Variants in PHKA1 observed in about 807,000 individuals in gnomAD.
PHKA1 encodes phosphorylase kinase regulatory subunit alpha 1, also known as phosphorylase b kinase regulatory subunit alpha, skeletal muscle isoform.
PHKA1 carries 60 observed loss-of-function variants against 110.2 expected under a neutral mutation model. That is an observed-to-expected ratio of 0.54 (90% CI 0.44 to 0.68). The LOEUF (loss-of-function observed/expected upper bound fraction) is 0.68, where lower values mean the gene tolerates loss of function less well. PHKA1 is among the 30% of genes least tolerant of loss of function. The pLI is 0.00. For synonymous variants in PHKA1, 316 were observed against 333.6 expected (o/e 0.95, Z 0.58); for missense variants, 801 against 942.5 (o/e 0.85, Z 1.97).
At position 72,713,888 on chromosome X, in the gene PHKA1, C is replaced by A; in HGVS notation, c.-8G>T. ...GTTACTCCGGCTCCTCATGGCGACA[C>A]GTTACTAATTGTCCTCTGAGAAATA... is the stretch of plus-strand genomic sequence containing the variant. On this transcript the variant is annotated 5_prime_UTR_variant, in exon 1 of 32. Transcript: ENST00000373542. The A allele has an allele frequency of 8.4e-7, 1 of 1,184,769 alleles. No individual in the cohort carries two copies. The highest frequency in any genetic ancestry group is 1.8e-5 in the South Asian group (1 of 56,136).
chrX:72,600,713 T>C (rs2052647379), intron 28 of PHKA1, among the ~76,000 whole-genome samples: 1 of 111,109 alleles, frequency 9.0e-6, no homozygotes, highest in South Asian at 3.8e-4. Flanking sequence ...AAAAACCAAA[T>C]AGCAAGGTGG....
At chrX:72,619,946 G>A (rs936318894) in intron 19 of PHKA1, among the ~76,000 whole-genome samples, 18 of 111,971 alleles carry the variant, frequency 1.6e-4, no homozygotes, top group Non-Finnish European at 1.5e-4. Flanking sequence ...GTTCACAATT[G>A]AGAAGTATAA....
intron 6 of PHKA1, 90 bp from the exon 7 acceptor site, chrX:72,667,563 T>C (rs1736226364): frequency 4.8e-6 from 3 of 626,974 alleles, no homozygotes; most frequent in South Asian, 2.4e-5. Flanking sequence ...TCAACACACA[T>C]GATGTCACTT....
chrX:72,630,832 T>C (rs782448952), intron 16 of PHKA1, among the ~76,000 whole-genome samples: 1 of 110,964 alleles, frequency 9.0e-6, no homozygotes, highest in Non-Finnish European at 1.9e-5. Context: ...AATTTTTCAG[T>C]CATTATTAGT....
intron 14 of PHKA1, among the ~76,000 whole-genome samples, chrX:72,640,362 A>G (rs1275155887): frequency 9.0e-6 from 1 of 111,621 alleles, no homozygotes; most frequent in African/African-American, 3.2e-5. Flanking sequence ...AAAAGAATAT[A>G]AGGAGACGAT....
chrX:72,650,495 T>G (rs200231385), intron 12 of PHKA1, 27 bp from the exon 13 acceptor site: 1 of 1,110,818 alleles, frequency 9.0e-7, no homozygotes, highest in East Asian at 3.0e-5. Context: ...AAAAGACAGA[T>G]TATTAAGTCT....
Position 72,705,881 on chromosome X carries a change from A to G in PHKA1, c.238-636T>C, listed in dbSNP as rs138880980. 2.4e-4 allele frequency among the ~76,000 whole-genome samples: 27 copies of G among 111,783 alleles called. No individual in the cohort carries two copies. In the East Asian group the frequency reaches 7.3e-3, roughly 30 times the overall value. ...CATCTCAAAATTCTGATCACCAACT[A>G]TATACTACATGACACTAAAGGGCCC... is the stretch of plus-strand genomic sequence containing the variant. On this transcript the variant is annotated intron_variant, in intron 2 of 31. Coordinates refer to ENST00000373542, the MANE Select transcript of PHKA1 (RefSeq NM_002637.4).
At chrX:72,646,210 A>T (rs782144030) in intron 13 of PHKA1, among the ~76,000 whole-genome samples, 1 of 111,868 alleles carries the variant, frequency 8.9e-6, no homozygotes, top group East Asian at 2.8e-4. Context: ...TCTTTGGGCC[A>T]TGCTTTCCAA....
At chrX:72,711,013 T>C (rs1363941495) in intron 2 of PHKA1, among the ~76,000 whole-genome samples, 10 of 105,884 alleles carry the variant, frequency 9.4e-5, no homozygotes, top group South Asian at 4.3e-4. Context: ...AGGCGCCCGC[T>C]ACCACGCCCG....
intron 5 of PHKA1, among the ~76,000 whole-genome samples, chrX:72,679,193 G>A (rs1258099478): frequency 9.0e-6 from 1 of 111,560 alleles, no homozygotes; most frequent in Non-Finnish European, 1.9e-5. Context: ...CATAATTCAG[G>A]GGGCATGGGG....
chrX:72,705,358 G>C, intron 2 of PHKA1, 113 bp from the exon 3 acceptor site: 1 of 527,752 alleles, frequency 1.9e-6, no homozygotes, highest in Admixed American at 2.5e-5. Context: ...CCTATCCTGT[G>C]TTCCTATTTA....
At position 72,637,499 on chromosome X, in the gene PHKA1, G is replaced by A. The variant is rs782242242; in HGVS notation, c.1460-1113C>T. On this transcript the variant is annotated intron_variant, in intron 14 of 31. Transcript: ENST00000373542. ...GTTGTTTCCACTTTTTGGCTATTGT[G>A]GGCAATGCTGCACATTGATGTAGAA... 6.6e-4 allele frequency among the ~76,000 whole-genome samples: 74 copies of A among 111,738 alleles called. 1 individual carries two copies. The highest frequency in any genetic ancestry group is 1.3e-3 in the Non-Finnish European group (71 of 53,111).
chrX:72,614,474 T>C (rs2052861890), intron 21 of PHKA1, among the ~76,000 whole-genome samples: 1 of 111,678 alleles, frequency 9.0e-6, no homozygotes, highest in Non-Finnish European at 1.9e-5. Flanking sequence ...CTATTACAGA[T>C]TGGAGGAAGT....
intron 23 of PHKA1, among the ~76,000 whole-genome samples, chrX:72,607,552 C>T (rs781855110): frequency 1.8e-5 from 2 of 111,663 alleles, no homozygotes; most frequent in South Asian, 7.5e-4. Context: ...GACCATTTGC[C>T]CATTTTTAAA....
intron 21 of PHKA1, among the ~76,000 whole-genome samples, 195 bp downstream of exon 21, chrX:72,618,515 A>C (rs1428848572): frequency 8.9e-6 from 1 of 111,751 alleles, no homozygotes; most frequent in Non-Finnish European, 1.9e-5. Flanking sequence ...TAATCTTTAC[A>C]ATAACTCTAT....
At chrX:72,680,058 C>G (rs1220648752) in intron 5 of PHKA1, among the ~76,000 whole-genome samples, 1 of 108,828 alleles carries the variant, frequency 9.2e-6, no homozygotes, top group Non-Finnish European at 1.9e-5. Context: ...GTTGCCCAGG[C>G]TGGAGTGCAA....
At chrX:72,622,334 A>C in intron 18 of PHKA1, 1 of 754,385 alleles carries the variant, frequency 1.3e-6, no homozygotes, top group Non-Finnish European at 1.6e-6. Flanking sequence ...TAAGATAAAG[A>C]AATTGGCTGC....
intron 4 of PHKA1, among the ~76,000 whole-genome samples, chrX:72,687,632 CACAA>C (rs1460309209): frequency 9.0e-6 from 1 of 110,568 alleles, no homozygotes; most frequent in African/African-American, 3.3e-5. Context: ...CTGTGGTTCA[CACAA>C]ACATACTGTG....
At chrX:72,605,504 T>C in intron 24 of PHKA1, 37 bp downstream of exon 24, 1 of 1,171,300 alleles carries the variant, frequency 8.5e-7, no homozygotes, top group African/African-American at 1.8e-5. Flanking sequence ...AACTTTAAAA[T>C]ATCAGTCACC....
Sources: gnomAD v4.1 joint callset for allele counts (sites outside exome capture counted in the v4.1 genomes callset) on GRCh38, gnomAD v4.1.1 for gene constraint, MANE v1.5 for transcripts, NCBI Gene and HGNC (gene_info 2026-07-23, HGNC 2026-07-21) for gene names.